ZMYND19: variants seen among roughly 807,000 people sequenced by gnomAD.
ZMYND19 encodes zinc finger MYND-type containing 19.
ZMYND19 carries 17 observed loss-of-function variants against 32.0 expected under a neutral mutation model. That is an observed-to-expected ratio of 0.53 (90% CI 0.36 to 0.80). The LOEUF (loss-of-function observed/expected upper bound fraction) is 0.80, where lower values mean the gene tolerates loss of function less well. Ranked by LOEUF, ZMYND19 falls within the 30% of genes least tolerant of loss-of-function variation. The pLI, the probability that ZMYND19 is intolerant of heterozygous loss-of-function variation, is 0.00. For missense variants in ZMYND19, 250 were observed against 293.6 expected, an observed-to-expected ratio of 0.85 and a Z score of 1.09; for synonymous variants, 124 against 113.6, an observed-to-expected ratio of 1.09 and a Z score of -0.58.
At chr9:137,584,334 A>C (rs984073825) in intron 4 of ZMYND19, among the ~76,000 whole-genome samples, 1 of 152,242 alleles carries the variant, frequency 6.6e-6, no homozygotes. Context: ...GTGCCCTCAG[A>C]GAATGGGCAT....
Position 137,590,482 on chromosome 9 carries a change from C to CCGCCACCGCGCG in ZMYND19, c.-231_-220dup, listed in dbSNP as rs1842262265. 6.4e-6 allele frequency: 1 copy of CCGCCACCGCGCG among 156,222 alleles called. No individual in the cohort carries two copies. Among genetic ancestry groups the CCGCCACCGCGCG allele is most frequent in the Non-Finnish European group, 1.4e-5 (1 of 73,980 alleles). The allele number at this position is 156,222 out of a possible 1,614,324, so 9.7% of individuals were successfully genotyped here. A position where few individuals can be genotyped will look rare whatever the true frequency, so the allele number is the denominator to read the frequency against. On this transcript the variant is annotated 5_prime_UTR_variant, in exon 1 of 6. Transcript: ENST00000298585. The surrounding 1 kb of genome is among the most constrained non-coding windows in gnomAD (Gnocchi z 4.2). ...CCACGCGCCGCCGCCGCCGCCGCCA[C>CCGCCACCGCGCG]CGCCACCGCGCGCACCACAGCGAGC...
Position 137,582,487 on chromosome 9 carries a change from CT to C in ZMYND19, c.*55del. On this transcript the variant is annotated 3_prime_UTR_variant, in exon 6 of 6. Coordinates refer to ENST00000298585, the MANE Select transcript of ZMYND19 (RefSeq NM_138462.3). ...TCCAGGTTCAACCACCAGTCTGTCT[CT>C]GCTGTGCCCAGGGTAGAGCCCGGGG... 1 of 1,576,244 alleles carries C rather than the reference CT, an allele frequency of 6.3e-7. No homozygotes were observed. Among genetic ancestry groups the C allele is most frequent in the African/African-American group, 1.3e-5 (1 of 74,294 alleles).
In ZMYND19 at chr9:137,583,200, C is replaced by T. The variant is rs747470931; in HGVS notation, c.360-37G>A. The T allele has an allele frequency of 3.1e-6, 5 of 1,603,290 alleles. No homozygotes were observed. In the East Asian group the frequency reaches 6.7e-5, roughly 21 times the overall value. ...AAGCAGACACTTGAGTGCACTCTGGCCAAACGGGGCCAGCACACAGCAGAC... is the reference window on the plus strand; with the variant it reads ...AAGCAGACACTTGAGTGCACTCTGGTCAAACGGGGCCAGCACACAGCAGAC... On this transcript the variant is annotated intron_variant, in intron 4 of 5. Coordinates refer to ENST00000298585, the MANE Select transcript of ZMYND19 (RefSeq NM_138462.3).
Position 137,590,066 on chromosome 9 carries a change from CG to C in ZMYND19, c.51+146del. 1 of 983,486 alleles carries C rather than the reference CG, an allele frequency of 1.0e-6. No individual in the cohort carries two copies. Among genetic ancestry groups the C allele is most frequent in the Non-Finnish European group, 1.2e-6 (1 of 829,150 alleles). 60.9% of individuals were successfully genotyped at this position (983,486 alleles called of 1,614,324 possible). On this transcript the variant is annotated intron_variant, in intron 1 of 5. Coordinates refer to ENST00000298585, the MANE Select transcript of ZMYND19 (RefSeq NM_138462.3). The surrounding 1 kb of genome is among the most constrained non-coding windows in gnomAD (Gnocchi z 4.2). ...GCTGCACCCGCGCGGGGCCAGCAGC[CG>C]GGCCCGCGCAGCGTCCCCCGCCCCG...
At position 137,583,151 on chromosome 9, in the gene ZMYND19, C is replaced by G. The variant is rs1425808698; in HGVS notation, c.372G>C (p.Leu124Phe). ...GCAGCTGCTGAATTGCAAGCCAATA[C>G]AAGCTTTGCTCCCTTAAAGAAAGAA... The part of the protein sequence containing the change: ...ETSSKQREQS[L>F]YWLAIQQLPT... Residue 124 changes from leucine (L) to phenylalanine (F), a missense_variant, in exon 5 of 6, where the codon TTG becomes TTC. By Grantham distance (22) the Leu-to-Phe change is conservative. This residue lies in a region of ZMYND19 where 212 missense variants were observed against 218.8 expected (regional missense o/e 0.97). Transcript: ENST00000298585. 1 of 1,614,024 alleles carries G rather than the reference C, an allele frequency of 6.2e-7. No homozygotes were observed. Among genetic ancestry groups the G allele is most frequent in the Non-Finnish European group, 8.5e-7 (1 of 1,179,954 alleles).
At position 137,588,707 on chromosome 9, in the gene ZMYND19, CGT is replaced by C; in HGVS notation, c.61_62del (p.Thr21AlafsTer4). The C allele has an allele frequency of 6.2e-7, 1 of 1,614,162 alleles. No individual in the cohort carries two copies. Among genetic ancestry groups the C allele is most frequent in the Non-Finnish European group, 8.5e-7 (1 of 1,180,010 alleles). ...LGRVAGKTKY[T>X]LIDEQDIPLV... is the part of the protein sequence containing the mutation. ...GCGGGATGTCCTGCTCATCGATCAG[CGT>C]GTATTTGGTCTGGAAGTTAACCACA... On this transcript the variant is annotated frameshift_variant, in exon 2 of 6. Transcript: ENST00000298585. LOFTEE classifies it high-confidence loss of function.
Position 137,588,712 on chromosome 9 carries a change from A to G in ZMYND19, c.58T>C (p.Tyr20His). The G allele has an allele frequency of 6.2e-7, 1 of 1,614,212 alleles. No individual in the cohort carries two copies. The highest frequency in any genetic ancestry group is 8.5e-7 in the Non-Finnish European group (1 of 1,180,002). Residue 20 changes from tyrosine to histidine, a missense_variant, in exon 2 of 6, where the codon TAC becomes CAC. Transcript: ENST00000298585. ...RLGRVAGKTK[Y>H]TLIDEQDIPL... ...ATGTCCTGCTCATCGATCAGCGTGT[A>G]TTTGGTCTGGAAGTTAACCACATGT...
At chr9:137,589,874 G>C in intron 1 of ZMYND19, 1 of 985,386 alleles carries the variant, frequency 1.0e-6, no homozygotes, top group Non-Finnish European at 1.2e-6. Context: ...CCGGATCGCC[G>C]ACACCACTGG....
chr9:137,586,448 C>T (rs35095083), intron 4 of ZMYND19, among the ~76,000 whole-genome samples: 26 of 142,972 alleles, frequency 1.8e-4, no homozygotes, highest in African/African-American at 5.1e-4. Flanking sequence ...GAAGGAATCC[C>T]GAGGTGAGGA....
intron 1 of ZMYND19, 72 bp from the exon 2 acceptor site, chr9:137,588,790 A>T: frequency 6.4e-7 from 1 of 1,563,412 alleles, no homozygotes; most frequent in Non-Finnish European, 8.8e-7. Context: ...TTATAACCAG[A>T]ACAGGCAGGA....
chr9:137,583,261 G>A, intron 4 of ZMYND19, 98 bp from the exon 5 acceptor site: 1 of 1,369,676 alleles, frequency 7.3e-7, no homozygotes, highest in Non-Finnish European at 1.0e-6. Flanking sequence ...TCCTGCCCAG[G>A]ACACCCAGCC....
At chr9:137,587,192 C>A in intron 3 of ZMYND19, 85 bp from the exon 4 acceptor site, 1 of 1,545,716 alleles carries the variant, frequency 6.5e-7, no homozygotes, top group Non-Finnish European at 8.7e-7. Flanking sequence ...TACCAAAGTC[C>A]TTCCAGGAAG....
chr9:137,587,679 C>A (rs754612094), intron 3 of ZMYND19, 38 bp downstream of exon 3: 2 of 1,595,970 alleles, frequency 1.3e-6, no homozygotes, highest in South Asian at 2.2e-5. Context: ...ACCCAGGAGC[C>A]CAGTGGCGGG....
At chr9:137,589,667 G>C in intron 1 of ZMYND19, 1 of 985,460 alleles carries the variant, frequency 1.0e-6, no homozygotes, top group Non-Finnish European at 1.2e-6. Context: ...TCTCTGCTCC[G>C]AGTCTGAGGC....
Position 137,588,687 on chromosome 9 carries a change from A to G in ZMYND19, c.83T>C (p.Ile28Thr). Residue 28 changes from isoleucine to threonine, a missense_variant, in exon 2 of 6, where the codon ATC (isoleucine) becomes ACC (threonine). Around this residue, in one of 2 missense-constraint regions of ZMYND19, gnomAD observed 212 missense variants for 218.8 expected, o/e 0.97. Transcript: ENST00000298585. ...TKYTLIDEQD[I>T]PLVESYSFEA... ...AAAGGAGTAGCTCTCCACCAGCGGG[A>G]TGTCCTGCTCATCGATCAGCGTGTA... 6.2e-7 allele frequency: 1 copy of G among 1,614,192 alleles called. No individual in the cohort carries two copies. The highest frequency in any genetic ancestry group is 8.5e-7 in the Non-Finnish European group (1 of 1,180,008).
chr9:137,584,033 C>G (rs567560849), intron 4 of ZMYND19, among the ~76,000 whole-genome samples: 1 of 152,264 alleles, frequency 6.6e-6, no homozygotes, highest in South Asian at 2.1e-4. Flanking sequence ...TCAACAAAGA[C>G]AGGGTGACCC....
intron 5 of ZMYND19, 80 bp from the exon 6 acceptor site, chr9:137,582,766 T>C: frequency 6.4e-7 from 1 of 1,560,072 alleles, no homozygotes; most frequent in Non-Finnish European, 8.7e-7. Context: ...ACGGACAATC[T>C]GACGGACCCA....
At chr9:137,588,283 C>G (rs979314600) in intron 2 of ZMYND19, among the ~76,000 whole-genome samples, 2 of 152,214 alleles carry the variant, frequency 1.3e-5, no homozygotes, top group Non-Finnish European at 2.9e-5. Context: ...GGAGGGACTG[C>G]TAAGGCAGGC....
chr9:137,582,852 GGTGGA>G, intron 5 of ZMYND19, 126 bp downstream of exon 5: 3 of 1,504,458 alleles, frequency 2.0e-6, no homozygotes, highest in Non-Finnish European at 2.7e-6. Context: ...AGACCACTCT[GGTGGA>G]AAAGCCCAAG....
Sources: allele counts gnomAD v4.1 joint callset (sites outside exome capture counted in the v4.1 genomes callset), GRCh38; gene constraint gnomAD v4.1.1; regional missense constraint gnomAD v4.1.1; non-coding constraint Gnocchi (gnomAD v3.1); transcripts MANE v1.5; gene names NCBI Gene and HGNC (gene_info 2026-07-23, HGNC 2026-07-21).